Variants in TMEM209 observed in about 807,000 individuals in gnomAD.
TMEM209 encodes the protein testicular tissue protein Li 202.
Under a neutral mutation model 76.2 loss-of-function variants are expected in TMEM209, and 65 were observed. The observed-to-expected ratio is 0.85, with a 90% CI of 0.70 to 1.05. TMEM209 has a LOEUF of 1.05. TMEM209 is among the 50% of genes least tolerant of loss of function. The probability of loss-of-function intolerance (pLI) is 0.00; values close to 1 mark genes in which losing one functional copy is unlikely to be tolerated. For missense variants in TMEM209, 623 were observed against 685.5 expected, an observed-to-expected ratio of 0.91 and a Z score of 1.02; for synonymous variants, 239 against 237.6, an observed-to-expected ratio of 1.01 and a Z score of -0.06.
chr7:130,193,589 A>T (rs1302600301), intron 5 of TMEM209, among the ~76,000 whole-genome samples: 1 of 152,128 alleles, frequency 6.6e-6, no homozygotes, highest in Non-Finnish European at 1.5e-5. Context: ...GACATAAAGC[A>T]ATCTTAAATG....
At position 130,178,300 on chromosome 7, in the gene TMEM209, T is replaced by C. The variant is rs953321422; in HGVS notation, c.1246+102A>G. On this transcript the variant is annotated intron_variant, in intron 10 of 14. Transcript: ENST00000397622. Reference sequence around the variant, plus strand: ...ATAATTAATACGTATTTATAAGACATGTTATACTTTTAATTAAAAGTTTTT... The same window carrying C: ...ATAATTAATACGTATTTATAAGACACGTTATACTTTTAATTAAAAGTTTTT... 1.7e-5 allele frequency: 20 copies of C among 1,159,738 alleles called. No individual in the cohort carries two copies. The African/African-American group carries it at 2.9e-4, about 17-fold the overall frequency. 71.8% of individuals were successfully genotyped at this position (1,159,738 alleles called of 1,614,324 possible). A position where few individuals can be genotyped will look rare whatever the true frequency, so the allele number is the denominator to read the frequency against.
intron 14 of TMEM209, among the ~76,000 whole-genome samples, 182 bp from the exon 15 acceptor site, chr7:130,166,687 T>C (rs1796893700): frequency 6.6e-6 from 1 of 152,218 alleles, no homozygotes; most frequent in South Asian, 2.1e-4. Context: ...TTCTTAACTA[T>C]GCCTAAAACC....
intron 13 of TMEM209, among the ~76,000 whole-genome samples, 178 bp from the exon 14 acceptor site, chr7:130,170,651 G>A (rs914627533): frequency 6.6e-6 from 1 of 152,144 alleles, no homozygotes; most frequent in Non-Finnish European, 1.5e-5. Context: ...GAATACTGCA[G>A]TGAGTAAGAC....
chr7:130,194,126 G>A (rs1419010262), intron 5 of TMEM209, among the ~76,000 whole-genome samples: 2 of 151,730 alleles, frequency 1.3e-5, no homozygotes, highest in Non-Finnish European at 2.9e-5. Flanking sequence ...AGGAATCCGG[G>A]AGGCGGAGCT....
chr7:130,199,304 G>A (rs1798105672), intron 5 of TMEM209, among the ~76,000 whole-genome samples: 4 of 151,566 alleles, frequency 2.6e-5, no homozygotes, highest in South Asian at 4.2e-4. Flanking sequence ...TGAAAGCTCC[G>A]CCTTCCTGGT....
At chr7:130,194,014 T>A (rs762093118) in intron 5 of TMEM209, among the ~76,000 whole-genome samples, 1 of 151,732 alleles carries the variant, frequency 6.6e-6, no homozygotes, top group African/African-American at 2.4e-5. Flanking sequence ...CTGGCTAACA[T>A]GGTGAAACCC....
intron 10 of TMEM209, among the ~76,000 whole-genome samples, chr7:130,177,266 G>A (rs1399562859): frequency 1.3e-5 from 2 of 150,916 alleles, no homozygotes; most frequent in African/African-American, 2.4e-5. Flanking sequence ...CAGAAGAATC[G>A]CTTGAACCCG....
Position 130,172,149 on chromosome 7 carries a change from C to CA in TMEM209, c.1557+1482dup, listed in dbSNP as rs960502767. On this transcript the variant is annotated intron_variant, in intron 13 of 14. Transcript: ENST00000397622. ...CCTAAGCAACACAGCAAGACTACCT[C>CA]AAAAAAAAAGTAAAGCACATTAATG... is the stretch of plus-strand genomic sequence containing the variant. 1.1e-4 allele frequency among the ~76,000 whole-genome samples: 17 copies of CA among 149,476 alleles called. No individual in the cohort carries two copies. In the East Asian group the frequency reaches 1.8e-3, roughly 15 times the overall value.
intron 4 of TMEM209, 69 bp downstream of exon 4, chr7:130,202,463 G>A (rs1339755652): frequency 1.9e-6 from 3 of 1,538,494 alleles, no homozygotes; most frequent in Non-Finnish European, 2.6e-6. Context: ...TACGAAATGG[G>A]AAAATTAAAC....
intron 5 of TMEM209, among the ~76,000 whole-genome samples, chr7:130,200,153 A>T (rs2633377): frequency 6.6e-6 from 1 of 151,418 alleles, no homozygotes; most frequent in African/African-American, 2.4e-5. Context: ...CTCTCTCTCT[A>T]TATATATATA....
At chr7:130,191,299 C>T (rs1359458504) in intron 6 of TMEM209, among the ~76,000 whole-genome samples, 2 of 150,426 alleles carry the variant, frequency 1.3e-5, no homozygotes, top group African/African-American at 2.5e-5. Context: ...AACGTAATCT[C>T]GTATGTATAC....
chr7:130,196,160 T>TA (rs1391286999), intron 5 of TMEM209, among the ~76,000 whole-genome samples: 2 of 152,208 alleles, frequency 1.3e-5, no homozygotes, highest in Non-Finnish European at 2.9e-5. Flanking sequence ...TTTGTGAGTT[T>TA]GAGATTTTCC....
intron 7 of TMEM209, 115 bp downstream of exon 7, chr7:130,185,077 G>T: frequency 7.9e-7 from 1 of 1,268,950 alleles, no homozygotes; most frequent in Non-Finnish European, 1.1e-6. Flanking sequence ...ATGTGTGCCA[G>T]ATTTACATTT....
At chr7:130,204,639 C>T (rs992009517) in intron 1 of TMEM209, among the ~76,000 whole-genome samples, 3 of 152,096 alleles carry the variant, frequency 2.0e-5, no homozygotes, top group African/African-American at 7.2e-5. Flanking sequence ...CGCGCCCAGC[C>T]GTGGCTGGTT....
rs1796839261 is a variant in TMEM209, at chr7:130,164,944, C to A, written c.*1507G>T. 1 of 152,184 alleles carries A rather than the reference C, an allele frequency of 6.6e-6. No homozygotes were observed. The highest frequency in any genetic ancestry group is 1.5e-5 in the Non-Finnish European group (1 of 68,010). The allele number at this position is 152,184 out of a possible 1,614,324, so 9.4% of individuals were successfully genotyped here. ...AAAGAAGCTCCTTTCCTTTGGACAT[C>A]AACTTTTAAAAACACGAACAACTTT... On this transcript the variant is annotated 3_prime_UTR_variant, in exon 15 of 15. Transcript: ENST00000397622.
At chr7:130,195,723 GT>G (rs1369984387) in intron 5 of TMEM209, among the ~76,000 whole-genome samples, 12 of 151,336 alleles carry the variant, frequency 7.9e-5, no homozygotes, top group African/African-American at 2.7e-4. Flanking sequence ...TGTTTTTTCG[GT>G]TTGTTTTTTA....
At chr7:130,197,512 T>C (rs1798029470) in intron 5 of TMEM209, among the ~76,000 whole-genome samples, 1 of 152,146 alleles carries the variant, frequency 6.6e-6, no homozygotes, top group Admixed American at 6.6e-5. Context: ...AGTGGGGAGA[T>C]GATAAGTTCT....
intron 6 of TMEM209, 151 bp downstream of exon 6, chr7:130,192,471 C>T: frequency 1.5e-6 from 1 of 657,774 alleles, no homozygotes; most frequent in Non-Finnish European, 2.5e-6. Flanking sequence ...GAACTTAATT[C>T]TAACTGCATA....
chr7:130,199,363 G>A (rs535243369), intron 5 of TMEM209, among the ~76,000 whole-genome samples: 82 of 151,894 alleles, frequency 5.4e-4, no homozygotes, highest in African/African-American at 1.9e-3. Flanking sequence ...GACTACAGGC[G>A]CCCGCCACCA....
Sources: gnomAD v4.1 joint callset for allele counts (sites outside exome capture counted in the v4.1 genomes callset) on GRCh38, gnomAD v4.1.1 for gene constraint, MANE v1.5 for transcripts, NCBI Gene and HGNC (gene_info 2026-07-23, HGNC 2026-07-21) for gene names.